ZNF700: variants seen among roughly 807,000 people sequenced by gnomAD.
The protein encoded by ZNF700 is zinc finger protein 700.
In ZNF700, 38 loss-of-function variants were observed where a neutral mutation model predicts 65.3. That is an observed-to-expected ratio of 0.58 (90% CI 0.45 to 0.76). The LOEUF (loss-of-function observed/expected upper bound fraction) is 0.76, where lower values mean the gene tolerates loss of function less well. Ranked by LOEUF, ZNF700 falls within the 30% of genes least tolerant of loss-of-function variation. ZNF700 has a pLI of 0.00. For missense variants in ZNF700, 857 were observed against 888.4 expected (o/e 0.96, Z 0.45); for synonymous variants, 285 against 290.4 (o/e 0.98, Z 0.19).
intron 3 of ZNF700, 97 bp from the exon 4 acceptor site, chr19:11,948,179 T>C (rs549379416): frequency 2.9e-6 from 4 of 1,390,610 alleles, no homozygotes; most frequent in Non-Finnish European, 3.0e-6. Context: ...GCCTACACTT[T>C]GATGGACAGT....
rs539066033 is a variant in ZNF700 at position 11,946,155 on chromosome 19, C to T, written c.64-1026C>T. Reference sequence around the variant, plus strand: ...AGGCCCTTTCATCCTTGCCTGAGACCTCTGGCTTGGAGCCATTTTGTTTCT... The same window carrying T: ...AGGCCCTTTCATCCTTGCCTGAGACTTCTGGCTTGGAGCCATTTTGTTTCT... On this transcript the variant is annotated intron_variant, in intron 1 of 3. Transcript: ENST00000254321. Among the ~76,000 whole-genome samples, 256 of 152,268 alleles carry T rather than the reference C, an allele frequency of 1.7e-3. 3 individuals are homozygous for T. The highest frequency in any genetic ancestry group is 5.8e-3 in the African/African-American group (241 of 41,566).
chr19:11,925,859 A>G (rs558429373), intron 1 of ZNF700, among the ~76,000 whole-genome samples: 1 of 152,316 alleles, frequency 6.6e-6, no homozygotes, highest in Admixed American at 6.5e-5. Context: ...AGCAGCCTGG[A>G]GTAAGTGGTC....
chr19:11,936,659 G>A (rs1009273768), intron 1 of ZNF700, among the ~76,000 whole-genome samples: 1 of 152,096 alleles, frequency 6.6e-6, no homozygotes, highest in Non-Finnish European at 1.5e-5. Context: ...TTTGATGGTA[G>A]TTTCTTTTGC....
chr19:11,944,717 G>C (rs908317434), intron 1 of ZNF700, among the ~76,000 whole-genome samples: 8 of 152,194 alleles, frequency 5.3e-5, no homozygotes, highest in Admixed American at 1.3e-4. Flanking sequence ...TTCAAAGGGG[G>C]CTGCTCCATA....
At position 11,929,006 on chromosome 19, in the gene ZNF700, C is replaced by A. The variant is rs529438684; in HGVS notation, c.63+3733C>A. On this transcript the variant is annotated intron_variant, in intron 1 of 3. Transcript: ENST00000254321. ...CCCTTCAGTCATTTACAACATTTTA[C>A]AAAACGCTATAGGTAGGAAAGAAGG... Among the ~76,000 whole-genome samples, 75 of 148,150 alleles carry A rather than the reference C, an allele frequency of 5.1e-4. 5 individuals carry two copies. The highest frequency in any genetic ancestry group is 1.0e-3 in the South Asian group (5 of 4,782).
intron 1 of ZNF700, chr19:11,939,936 T>C (rs987516377): frequency 4.0e-5 from 6 of 151,556 alleles, no homozygotes; most frequent in Admixed American, 6.6e-5. Flanking sequence ...TGTTGTAGTA[T>C]GTAACAAGAC....
intron 1 of ZNF700, among the ~76,000 whole-genome samples, chr19:11,940,911 G>A (rs1353760198): frequency 2.0e-5 from 3 of 151,658 alleles, no homozygotes; most frequent in South Asian, 2.1e-4. Flanking sequence ...ACAGAGTGTC[G>A]ATTGGTGCAT....
intron 1 of ZNF700, among the ~76,000 whole-genome samples, chr19:11,928,757 T>C (rs924994824): frequency 7.3e-6 from 1 of 136,354 alleles, no homozygotes; most frequent in Admixed American, 7.2e-5. Context: ...AAAAAGAAAG[T>C]AGTCTCTGTA....
chr19:11,948,341 A>C lies in ZNF700; in HGVS notation c.317A>C (p.Gln106Pro), dbSNP rs769272640. 6.2e-7 allele frequency: 1 copy of C among 1,613,938 alleles called. No homozygotes were observed. Among genetic ancestry groups the C allele is most frequent in the Non-Finnish European group, 8.5e-7 (1 of 1,179,860 alleles). The change falls in exon 4 of 4, where the codon CAG (glutamine) becomes CCG (proline). Residue 106 changes from glutamine (Q) to proline (P), a missense_variant. Around this residue, in one of 3 missense-constraint regions of ZNF700, gnomAD observed 603 missense variants for 619.9 expected, o/e 0.97. Coordinates refer to ENST00000254321, the MANE Select transcript of ZNF700 (RefSeq NM_144566.3). The part of the protein sequence containing the change: ...EDSHCGETFT[Q>P]VPDDRLNFQE... ...AGTCATTGTGGAGAAACTTTTACCCAGGTTCCAGATGACAGACTGAACTTC... is the reference window on the plus strand; with the variant it reads ...AGTCATTGTGGAGAAACTTTTACCCCGGTTCCAGATGACAGACTGAACTTC...
intron 1 of ZNF700, among the ~76,000 whole-genome samples, chr19:11,929,310 T>C (rs1972680721): frequency 6.8e-6 from 1 of 148,034 alleles, no homozygotes; most frequent in Non-Finnish European, 1.5e-5. Context: ...ATTACAGACA[T>C]GTGCCACCAC....
At chr19:11,939,678 C>G (rs1972850192) in intron 1 of ZNF700, among the ~76,000 whole-genome samples, 1 of 152,138 alleles carries the variant, frequency 6.6e-6, no homozygotes, top group Non-Finnish European at 1.5e-5. Context: ...CCAGGCAGGT[C>G]TCAAACTGCT....
At chr19:11,928,937 TAA>T (rs1242661642) in intron 1 of ZNF700, among the ~76,000 whole-genome samples, 2 of 146,824 alleles carry the variant, frequency 1.4e-5, no homozygotes, top group Admixed American at 1.3e-4. Flanking sequence ...CATATTAATA[TAA>T]GTTAAAAAAA....
In ZNF700 at chr19:11,948,696, T is replaced by A; in HGVS notation, c.672T>A (p.Cys224Ter). Residue 224 changes from cysteine to a stop codon, truncating the protein, a stop_gained, in exon 4 of 4, where the codon TGT becomes TGA. Coordinates refer to ENST00000254321, the MANE Select transcript of ZNF700 (RefSeq NM_144566.3). LOFTEE classifies it high-confidence loss of function. ...VMHSGDGTYK[C>*]KFCGKAFHSF... is the part of the protein sequence containing the mutation. ...ACAGTGGGGATGGAACTTATAAATG[T>A]AAATTTTGTGGGAAAGCCTTCCATT... 1 of 1,612,378 alleles carries A rather than the reference T, an allele frequency of 6.2e-7. No individual in the cohort carries two copies. Among genetic ancestry groups the A allele is most frequent in the Non-Finnish European group, 8.5e-7 (1 of 1,179,624 alleles).
chr19:11,947,551 C>T lies in ZNF700; in HGVS notation c.228C>T (p.Tyr76=). The change falls in exon 3 of 4, where the codon TAC becomes TAT. Residue 76 remains tyrosine (Y), a synonymous_variant. Coordinates refer to ENST00000254321, the MANE Select transcript of ZNF700 (RefSeq NM_144566.3). ...KWSDQNIEYE[Y]QNPRRSFRSL... ...GTGACCAGAACATTGAATATGAGTA[C>T]CAAAACCCCAGAAGAAGCTTCAGGT... 1 of 1,613,496 alleles carries T rather than the reference C, an allele frequency of 6.2e-7. No individual in the cohort carries two copies. Among genetic ancestry groups the T allele is most frequent in the Non-Finnish European group, 8.5e-7 (1 of 1,179,886 alleles).
intron 1 of ZNF700, among the ~76,000 whole-genome samples, chr19:11,936,054 T>C (rs574022373): frequency 6.6e-6 from 1 of 152,338 alleles, no homozygotes; most frequent in East Asian, 1.9e-4. Context: ...TTTTTATGGC[T>C]GCGTAGTATT....
chr19:11,945,383 A>G (rs1972943733), intron 1 of ZNF700, among the ~76,000 whole-genome samples: 1 of 152,156 alleles, frequency 6.6e-6, no homozygotes, highest in Non-Finnish European at 1.5e-5. Flanking sequence ...AGCTTGATTG[A>G]CCAAGCACAA....
In ZNF700 at chr19:11,948,803, C is replaced by T. The variant is rs1163483336; in HGVS notation, c.779C>T (p.Thr260Ile). Residue 260 changes from threonine to isoleucine, a missense_variant, in exon 4 of 4, where the codon ACT becomes ATT. Thr to Ile is a moderately conservative substitution (Grantham distance 89, BLOSUM62 -1). Around this residue, in one of 3 missense-constraint regions of ZNF700, gnomAD observed 603 missense variants for 619.9 expected, o/e 0.97. Transcript: ENST00000254321. ...YECKQCGKSF[T>I]YSATLQIHER... Reference sequence around the variant, plus strand: ...TGTAAACAATGTGGTAAATCCTTTACTTATTCTGCTACCCTTCAAATACAT... The same window carrying T: ...TGTAAACAATGTGGTAAATCCTTTATTTATTCTGCTACCCTTCAAATACAT... The T allele has an allele frequency of 6.2e-7, 1 of 1,608,502 alleles. No homozygotes were observed. Among genetic ancestry groups the T allele is most frequent in the Non-Finnish European group, 8.5e-7 (1 of 1,178,358 alleles).
chr19:11,928,193 C>A (rs903507552), intron 1 of ZNF700, among the ~76,000 whole-genome samples: 1 of 151,952 alleles, frequency 6.6e-6, no homozygotes, highest in Non-Finnish European at 1.5e-5. Context: ...GTTATGTTGC[C>A]CAGGCTGGTC....
chr19:11,932,110 T>C (rs1226133603), intron 1 of ZNF700, among the ~76,000 whole-genome samples: 1 of 143,564 alleles, frequency 7.0e-6, no homozygotes, highest in Non-Finnish European at 1.5e-5. Flanking sequence ...GCAGCAAGAG[T>C]GAAACTTTGT....
Sources: gnomAD v4.1 joint callset for allele counts (sites outside exome capture counted in the v4.1 genomes callset) on GRCh38, gnomAD v4.1.1 for gene constraint, gnomAD v4.1.1 regional missense constraint, MANE v1.5 for transcripts, NCBI Gene and HGNC (gene_info 2026-07-23, HGNC 2026-07-21) for gene names.